The following NAALADL2 variants were observed in gnomAD, a reference collection of about 807,000 sequenced individuals.
The protein encoded by NAALADL2 is inactive N-acetylated-alpha-linked acidic dipeptidase-like protein 2.
A neutral mutation model predicts 87.2 loss-of-function variants in NAALADL2; 76 were observed. That is an observed-to-expected ratio of 0.87 (90% confidence interval 0.72 to 1.05). The LOEUF (loss-of-function observed/expected upper bound fraction) is 1.05, where lower values mean the gene tolerates loss of function less well. NAALADL2 is among the 50% of genes least tolerant of loss of function. The pLI, the probability that NAALADL2 is intolerant of heterozygous loss-of-function variation, is 0.00. For synonymous variants in NAALADL2, 354 were observed against 331.0 expected (o/e 1.07, Z -0.75); for missense variants, 1,089 against 945.8 (o/e 1.15, Z -1.99).
At chr3:175,556,329 T>A (rs1468092797) in intron 9 of NAALADL2, among the ~76,000 whole-genome samples, 1 of 152,186 alleles carries the variant, frequency 6.6e-6, no homozygotes, top group Non-Finnish European at 1.5e-5. Flanking sequence ...TTATTAGCAA[T>A]TTTTTATCTA....
intron 3 of NAALADL2, among the ~76,000 whole-genome samples, chr3:174,819,356 T>C (rs9810487): frequency 2.0e-5 from 3 of 150,824 alleles, no homozygotes; most frequent in Non-Finnish European, 4.4e-5. Flanking sequence ...TGAGCCATTG[T>C]GCGTGGCTAA....
chr3:174,584,484 G>T (rs914080826), intron 2 of NAALADL2, among the ~76,000 whole-genome samples: 1 of 151,852 alleles, frequency 6.6e-6, no homozygotes, highest in Non-Finnish European at 1.5e-5. Context: ...TAAAGATTTG[G>T]TATGTGTGCT....
At chr3:175,286,728 T>C (rs1208468443) in intron 4 of NAALADL2, among the ~76,000 whole-genome samples, 1 of 151,942 alleles carries the variant, frequency 6.6e-6, no homozygotes, top group East Asian at 1.9e-4. Flanking sequence ...CTCCAAATTG[T>C]TTGTCTATAC....
chr3:175,676,462 C>T (rs1037085809), intron 11 of NAALADL2: 8 of 152,320 alleles, frequency 5.3e-5, no homozygotes, highest in Admixed American at 4.6e-4. Context: ...GCTTGAATGG[C>T]AATGGGTTCA....
At chr3:175,778,390 T>C (rs1010352411) in intron 13 of NAALADL2, among the ~76,000 whole-genome samples, 1 of 152,218 alleles carries the variant, frequency 6.6e-6, no homozygotes, top group African/African-American at 2.4e-5. Flanking sequence ...CAAGGCATGA[T>C]ATGTACTTGG....
intron 2 of NAALADL2, among the ~76,000 whole-genome samples, chr3:174,573,291 A>T (rs1328627227): frequency 6.6e-6 from 1 of 152,050 alleles, no homozygotes; most frequent in Non-Finnish European, 1.5e-5. Flanking sequence ...TTTTAGAGAT[A>T]TGGTCTTACT....
intron 3 of NAALADL2, among the ~76,000 whole-genome samples, chr3:175,250,287 G>GTT (rs1748824295): frequency 6.9e-6 from 1 of 145,826 alleles, no homozygotes; most frequent in Non-Finnish European, 1.5e-5. Context: ...GTGTGTGTGT[G>GTT]TGGTGTGTTT....
At chr3:174,882,738 TGTGTATATACACAC>T (rs1264757949) in intron 1 of NAALADL2, among the ~76,000 whole-genome samples, 1 of 148,000 alleles carries the variant, frequency 6.8e-6, no homozygotes, top group African/African-American at 2.5e-5. Flanking sequence ...TGTGTATCTA[TGTGTATATACACAC>T]GTGTATATAT....
In NAALADL2 at chr3:175,006,648, G is replaced by GGA. The variant is rs1553915263; in HGVS notation, c.44-90142_44-90141insGA. Among the ~76,000 whole-genome samples the GGA allele has an allele frequency of 2.9e-3, 426 of 148,470 alleles. 1 individual carries two copies. Among genetic ancestry groups the GGA allele is most frequent in the African/African-American group, 0.01 (413 of 40,644 alleles). On this transcript the variant is annotated intron_variant, in intron 1 of 13. Coordinates refer to ENST00000454872, the MANE Select transcript of NAALADL2 (RefSeq NM_207015.3). ...GGGAGTTCGAGGTAGGAGGAAAGCA[G>GGA]AAAAAAAAAATTGTTTTTCTGCTAA...
chr3:174,820,954 C>T (rs73174762), intron 3 of NAALADL2, among the ~76,000 whole-genome samples: 3,247 of 152,272 alleles, frequency 0.021, 55 homozygotes, highest in Middle Eastern at 0.037. Context: ...AGTATCCAGA[C>T]AACTGAACTC....
chr3:174,927,473 G>A (rs1374856894), intron 1 of NAALADL2, among the ~76,000 whole-genome samples: 4 of 152,104 alleles, frequency 2.6e-5, no homozygotes, highest in Non-Finnish European at 5.9e-5. Flanking sequence ...GCACTCCTCA[G>A]CAAATGTAAA....
At position 175,282,878 on chromosome 3, in the gene NAALADL2, C is replaced by T. The variant is rs538227087; in HGVS notation, c.939+26348C>T. On this transcript the variant is annotated intron_variant, in intron 4 of 13. Coordinates refer to ENST00000454872, the MANE Select transcript of NAALADL2 (RefSeq NM_207015.3). ...CTTTCAAGAATGAAGTATACAGATA[C>T]TACATCTGGTTTGGTAACTACCTTT... 1.2e-3 allele frequency among the ~76,000 whole-genome samples: 181 copies of T among 149,674 alleles called. 2 individuals are homozygous for T. The highest frequency in any genetic ancestry group is 4.4e-3 in the African/African-American group (178 of 40,870).
At chr3:174,469,761 C>T (rs1182843234) in intron 1 of NAALADL2, among the ~76,000 whole-genome samples, 1 of 151,912 alleles carries the variant, frequency 6.6e-6, no homozygotes, top group African/African-American at 2.4e-5. Flanking sequence ...AAGCTCTCAC[C>T]TGGTTTGTGT....
chr3:175,212,870 G>A (rs1025368131), intron 2 of NAALADL2, among the ~76,000 whole-genome samples: 6 of 152,080 alleles, frequency 3.9e-5, no homozygotes, highest in African/African-American at 7.2e-5. Flanking sequence ...AAAGCTTTAC[G>A]AGCCAGATGC....
chr3:174,501,537 T>A (rs539622375), intron 1 of NAALADL2, among the ~76,000 whole-genome samples: 8 of 152,276 alleles, frequency 5.3e-5, no homozygotes, highest in African/African-American at 1.9e-4. Flanking sequence ...GATTTTTATT[T>A]GTGGGAAGAG....
intron 1 of NAALADL2, among the ~76,000 whole-genome samples, chr3:174,467,596 T>TAAAAAAA (rs58227642): frequency 3.4e-5 from 2 of 59,588 alleles, no homozygotes; most frequent in Non-Finnish European, 5.7e-5. Flanking sequence ...CCATCTCAGT[T>TAAAAAAA]AAAAAAAAAA....
In NAALADL2 at chr3:174,680,859, C is replaced by A. The variant is rs115596975; in HGVS notation, c.-114-56782C>A. 8.6e-3 allele frequency among the ~76,000 whole-genome samples: 1,311 copies of A among 152,262 alleles called. 9 individuals are homozygous for A. The highest frequency in any genetic ancestry group is 0.016 in the Admixed American group (252 of 15,290). On this transcript the variant is annotated intron_variant, in intron 2 of 3. Coordinates refer to the NAALADL2 transcript ENST00000434257. ...AACTATACATACAAATAAATACCTT[C>A]ATAAGAACTAAAAATCAGGTGAGCA...
rs138816510 is a variant in NAALADL2 at position 175,221,483 on chromosome 3, C to T, written c.546-12448C>T. ...ACTTTTCTGTATATGTCAAATTGGT[C>T]GACTCATCTATTTTCTTGTTTTTCT... is the stretch of plus-strand genomic sequence containing the variant. On this transcript the variant is annotated intron_variant, in intron 2 of 13. Transcript: ENST00000454872. Among the ~76,000 whole-genome samples, 179 of 152,016 alleles carry T rather than the reference C, an allele frequency of 1.2e-3. 1 individual carries two copies. In the East Asian group the frequency reaches 0.032, roughly 27 times the overall value.
chr3:175,442,763 G>C (rs1209498019), intron 5 of NAALADL2, among the ~76,000 whole-genome samples: 2 of 152,146 alleles, frequency 1.3e-5, no homozygotes, highest in African/African-American at 4.8e-5. Context: ...GAATTAGCTA[G>C]CTACTAAAAT....
Sources: allele counts gnomAD v4.1 joint callset (sites outside exome capture counted in the v4.1 genomes callset), GRCh38; gene constraint gnomAD v4.1.1; transcripts MANE v1.5; gene names NCBI Gene and HGNC (gene_info 2026-07-23, HGNC 2026-07-21).